The following AATF variants were observed in gnomAD, a reference collection of about 807,000 sequenced individuals.
AATF encodes the protein protein AATF.
AATF carries 48 observed loss-of-function variants against 63.7 expected under a neutral mutation model. That is an observed-to-expected ratio of 0.75 (90% CI 0.60 to 0.96). The LOEUF (loss-of-function observed/expected upper bound fraction) is 0.96, where lower values mean the gene tolerates loss of function less well. Among genes scored for constraint, AATF ranks in the 40% least tolerant of loss-of-function variants. AATF has a pLI of 0.00. For missense variants in AATF, 639 were observed against 685.7 expected (o/e 0.93, Z 0.76); for synonymous variants, 258 against 247.7 (o/e 1.04, Z -0.39).
chr17:37,052,514 G>A (rs899227828), intron 11 of AATF: 24 of 152,348 alleles, frequency 1.6e-4, no homozygotes, highest in African/African-American at 5.5e-4. Flanking sequence ...CACCTGCCTA[G>A]GTTTGAGGGA....
chr17:37,001,186 G>A (rs1268640099), intron 8 of AATF, among the ~76,000 whole-genome samples: 1 of 151,988 alleles, frequency 6.6e-6, no homozygotes, highest in Non-Finnish European at 1.5e-5. Flanking sequence ...AGGCATGGTG[G>A]TCCATGCCTG....
chr17:36,983,854 T>C (rs1249977937), intron 4 of AATF, among the ~76,000 whole-genome samples: 5 of 152,238 alleles, frequency 3.3e-5, no homozygotes, highest in African/African-American at 1.2e-4. Context: ...TAGTTTGATA[T>C]GCAGATTATT....
intron 11 of AATF, among the ~76,000 whole-genome samples, chr17:37,040,881 A>G (rs974468081): frequency 2.6e-5 from 4 of 152,306 alleles, no homozygotes; most frequent in African/African-American, 9.6e-5. Flanking sequence ...GGTTACAAAG[A>G]CCTTAGACCT....
chr17:37,043,488 A>G (rs1387780123), intron 11 of AATF, among the ~76,000 whole-genome samples: 2 of 152,222 alleles, frequency 1.3e-5, no homozygotes, highest in Non-Finnish European at 2.9e-5. Context: ...CCTCCCAAAC[A>G]GTTAAACTGT....
chr17:36,949,280 C>T lies in AATF; in HGVS notation c.91+64C>T, dbSNP rs1016493234. ...GGCCAGGCCCTGTGGGGCAAGGGGG[C>T]GGCGTGGGAGGGGCGTGCGCGAGGC... On this transcript the variant is annotated intron_variant, in intron 1 of 11. Coordinates refer to ENST00000619387, the MANE Select transcript of AATF (RefSeq NM_012138.4). 4 of 1,470,096 alleles carry T rather than the reference C, an allele frequency of 2.7e-6. No homozygotes were observed. The African/African-American group carries it at 4.3e-5, about 16-fold the overall frequency. The allele number at this position is 1,470,096 out of a possible 1,614,324, so 91.1% of individuals were successfully genotyped here.
chr17:37,049,329 G>A (rs1435507409), intron 11 of AATF, among the ~76,000 whole-genome samples: 2 of 152,032 alleles, frequency 1.3e-5, no homozygotes, highest in Non-Finnish European at 2.9e-5. Flanking sequence ...CAAGCCGGGC[G>A]CGGTGGCTCA....
At chr17:36,962,788 T>C (rs1348386942) in intron 4 of AATF, among the ~76,000 whole-genome samples, 1 of 152,156 alleles carries the variant, frequency 6.6e-6, no homozygotes, top group Non-Finnish European at 1.5e-5. Context: ...TATGTACATT[T>C]AATTAACTCA....
chr17:36,970,541 CTTTTTTTTT>C (rs773737841), intron 4 of AATF, among the ~76,000 whole-genome samples: 1 of 87,018 alleles, frequency 1.1e-5, no homozygotes, highest in Non-Finnish European at 2.4e-5. Context: ...TTTCTTTTTT[CTTTTTTTTT>C]TTTTTTTTAA....
chr17:36,993,111 G>C (rs529039965), intron 8 of AATF, among the ~76,000 whole-genome samples: 29 of 152,352 alleles, frequency 1.9e-4, no homozygotes, highest in African/African-American at 6.7e-4. Context: ...TCTAAATATG[G>C]TGCTTAGAAC....
At chr17:36,963,576 C>T (rs776890149) in intron 4 of AATF, among the ~76,000 whole-genome samples, 2 of 152,168 alleles carry the variant, frequency 1.3e-5, no homozygotes, top group African/African-American at 2.4e-5. Context: ...GTCTTAAAAC[C>T]TGTTCTTAAA....
At chr17:36,982,092 A>G (rs1207140559) in intron 4 of AATF, among the ~76,000 whole-genome samples, 1 of 152,106 alleles carries the variant, frequency 6.6e-6, no homozygotes, top group Non-Finnish European at 1.5e-5. Flanking sequence ...TATTGGAAAT[A>G]GTATTTGTCT....
At chr17:37,024,295 G>A (rs910526918) in intron 10 of AATF, among the ~76,000 whole-genome samples, 5 of 152,186 alleles carry the variant, frequency 3.3e-5, no homozygotes, top group African/African-American at 4.8e-5. Context: ...AGATTAGTAG[G>A]CGTTTGCCCA....
At position 37,033,193 on chromosome 17, in the gene AATF, T is replaced by C. The variant is rs112803421; in HGVS notation, c.1619+1508T>C. Among the ~76,000 whole-genome samples the C allele has an allele frequency of 4.0e-3, 603 of 152,340 alleles. 7 individuals are homozygous for C. Among genetic ancestry groups the C allele is most frequent in the African/African-American group, 0.014 (583 of 41,586 alleles). Reference sequence around the variant, plus strand: ...TCTGGCTTTGTGACCACATCTGCTATCCTGTGCTTTGCAAGTGAATGTCTA... The same window carrying C: ...TCTGGCTTTGTGACCACATCTGCTACCCTGTGCTTTGCAAGTGAATGTCTA... On this transcript the variant is annotated intron_variant, in intron 11 of 11. Coordinates refer to ENST00000619387, the MANE Select transcript of AATF (RefSeq NM_012138.4).
chr17:36,985,464 T>C (rs1239176572), intron 4 of AATF, among the ~76,000 whole-genome samples: 1 of 149,318 alleles, frequency 6.7e-6, no homozygotes, highest in Non-Finnish European at 1.5e-5. Flanking sequence ...TTTTTTTTGG[T>C]TAGAGCCGGG....
intron 8 of AATF, among the ~76,000 whole-genome samples, chr17:37,003,641 A>T (rs1029368860): frequency 1.3e-5 from 2 of 151,244 alleles, no homozygotes; most frequent in African/African-American, 4.9e-5. Flanking sequence ...TGGTTTTTGT[A>T]TTTTTAGTAG....
intron 11 of AATF, among the ~76,000 whole-genome samples, chr17:37,051,697 GACACACAC>G (rs59773430): frequency 2.2e-5 from 3 of 137,228 alleles, no homozygotes; most frequent in Non-Finnish European, 3.1e-5. Context: ...CAGACAGACA[GACACACAC>G]ACACACACAC....
At chr17:37,005,103 T>C (rs78223036) in intron 8 of AATF, among the ~76,000 whole-genome samples, 4,959 of 152,218 alleles carry the variant, frequency 0.033, 281 homozygotes, top group African/African-American at 0.11. Context: ...TGGGAATATA[T>C]ATTTTGCTAC....
At chr17:37,006,079 G>A (rs116330756) in intron 8 of AATF, among the ~76,000 whole-genome samples, 1,634 of 152,304 alleles carry the variant, frequency 0.011, 37 homozygotes, top group African/African-American at 0.037. Flanking sequence ...GGGCTGTACA[G>A]TGAACTATGA....
chr17:36,986,491 GT>G, intron 4 of AATF, 125 bp from the exon 5 acceptor site: 1 of 703,544 alleles, frequency 1.4e-6, no homozygotes, highest in Non-Finnish European at 2.6e-6. Context: ...TAGTTCCTGT[GT>G]GTATCCTGTG....
Sources: allele counts gnomAD v4.1 joint callset (sites outside exome capture counted in the v4.1 genomes callset), GRCh38; gene constraint gnomAD v4.1.1; transcripts MANE v1.5; gene names NCBI Gene and HGNC (gene_info 2026-07-23, HGNC 2026-07-21).